The following NEFH variants were observed in gnomAD, a reference collection of about 807,000 sequenced individuals.
The protein encoded by NEFH is neurofilament heavy polypeptide.
NEFH carries 58 observed loss-of-function variants against 56.6 expected under a neutral mutation model. The observed-to-expected ratio is 1.03, with a 90% CI of 0.83 to 1.28. The LOEUF (loss-of-function observed/expected upper bound fraction) is 1.28. Among genes scored for constraint, NEFH ranks in the 50% most tolerant of loss-of-function variants. The pLI is 0.00. For missense variants in NEFH, 1,221 were observed against 1,307.6 expected (o/e 0.93, Z 1.02); for synonymous variants, 542 against 545.8 (o/e 0.99, Z 0.10).
At chr22:29,488,827 T>A in intron 3 of NEFH, 22 bp from the exon 4 acceptor site, 1 of 1,613,410 alleles carries the variant, frequency 6.2e-7, no homozygotes, top group South Asian at 1.1e-5. Context: ...TATACTAATG[T>A]GTTCCGTGAT....
intron 3 of NEFH, among the ~76,000 whole-genome samples, chr22:29,488,085 G>A (rs532124211): frequency 5.3e-5 from 8 of 152,270 alleles, no homozygotes; most frequent in East Asian, 1.9e-4. Flanking sequence ...AATTGTGGTC[G>A]GGTGCGGTGG....
chr22:29,480,653 G>A lies in NEFH; in HGVS notation c.391G>A (p.Ala131Thr), dbSNP rs766318171. 1 of 1,556,542 alleles carries A rather than the reference G, an allele frequency of 6.4e-7. No individual in the cohort carries two copies. Among genetic ancestry groups the A allele is most frequent in the South Asian group, 1.2e-5 (1 of 85,800 alleles). Residue 131 changes from alanine (A) to threonine (T), a missense_variant, in exon 1 of 4, where the codon GCG becomes ACG. Transcript: ENST00000310624. The part of the protein sequence containing the change: ...HNRSLEGEAA[A>T]LRQQQAGRSA... Reference sequence around the variant, plus strand: ...CCGCAGCCTGGAGGGCGAGGCTGCGGCGCTGCGGCAGCAGCAGGCGGGCCG... The same window carrying A: ...CCGCAGCCTGGAGGGCGAGGCTGCGACGCTGCGGCAGCAGCAGGCGGGCCG...
chr22:29,483,944 G>A (rs2063028913), intron 2 of NEFH, among the ~76,000 whole-genome samples: 1 of 151,956 alleles, frequency 6.6e-6, no homozygotes. Flanking sequence ...CTGCCTCCTG[G>A]GCTCAAGAGA....
In NEFH at chr22:29,481,079, G is replaced by T; in HGVS notation, c.817G>T (p.Glu273Ter). 6.5e-7 allele frequency: 1 copy of T among 1,532,152 alleles called. No homozygotes were observed. The highest frequency in any genetic ancestry group is 8.7e-7 in the Non-Finnish European group (1 of 1,145,878). 94.9% of individuals were successfully genotyped at this position (1,532,152 alleles called of 1,614,324 possible). Residue 273 changes from glutamate to a stop codon, truncating the protein, a stop_gained, in exon 1 of 4, where the codon GAG becomes TAG. Coordinates refer to ENST00000310624, the MANE Select transcript of NEFH (RefSeq NM_021076.4). LOFTEE classifies it high-confidence loss of function. ...GTGCGACGTGACGTCGGCGCTGCGC[G>T]AGATTCGCGCGCAGCTTGAAGGCCA... is the stretch of plus-strand genomic sequence containing the variant. ...LKCDVTSALR[E>*]IRAQLEGHAV... is the part of the protein sequence containing the mutation.
In NEFH at chr22:29,480,317, C is replaced by A. The variant is rs1168341032; in HGVS notation, c.55C>A (p.His19Asn). ...ALLGAPFAPL[H>N]GGGSLHYALA... The stretch of plus-strand genomic sequence containing the variant: ...GCTGGGCGCCCCGTTCGCGCCGCTG[C>A]ATGGCGGCGGCAGCCTCCACTACGC... Residue 19 changes from histidine to asparagine, a missense_variant, in exon 1 of 4, where the codon CAT becomes AAT. Around this residue, in one of 4 missense-constraint regions of NEFH, gnomAD observed 640 missense variants for 555.5 expected, o/e 1.15. Transcript: ENST00000310624. The A allele has an allele frequency of 6.6e-7, 1 of 1,508,070 alleles. No individual in the cohort carries two copies. Among genetic ancestry groups the A allele is most frequent in the African/African-American group, 1.4e-5 (1 of 69,488 alleles). The allele number at this position is 1,508,070 out of a possible 1,614,324, so 93.4% of individuals were successfully genotyped here.
Position 29,480,611 on chromosome 22 carries a change from C to A in NEFH, c.349C>A (p.Gln117Lys). ...CGCCGGGTACATCGACAAGGTGCGG[C>A]AGCTGGAGGCGCACAACCGCAGCCT... ...RFAGYIDKVR[Q>K]LEAHNRSLEG... The change falls in exon 1 of 4, where the codon CAG becomes AAG. Residue 117 changes from glutamine (Q) to lysine (K), a missense_variant. By Grantham distance (53) the Gln-to-Lys change is moderately conservative (BLOSUM62 1). Transcript: ENST00000310624. 1 of 1,563,800 alleles carries A rather than the reference C, an allele frequency of 6.4e-7. No homozygotes were observed. Among genetic ancestry groups the A allele is most frequent in the Non-Finnish European group, 8.6e-7 (1 of 1,164,284 alleles).
At chr22:29,483,276 C>T (rs1257108757) in intron 1 of NEFH, 99 bp from the exon 2 acceptor site, 8 of 931,208 alleles carry the variant, frequency 8.6e-6, no homozygotes, top group Admixed American at 7.7e-5. Flanking sequence ...GAATCCGTCT[C>T]AAAAAAAAAA....
At chr22:29,488,751 T>C in intron 3 of NEFH, 98 bp from the exon 4 acceptor site, 1 of 1,130,496 alleles carries the variant, frequency 8.8e-7, no homozygotes, top group Non-Finnish European at 1.3e-6. Context: ...AAAACCCATA[T>C]CATTCGATGT....
chr22:29,490,161 A>G lies in NEFH; in HGVS notation c.2521A>G (p.Lys841Glu). ...GGTGAAAGTCAAAGAGCCCCCAAAG[A>G]AGGCAGAGGAAGAGAAAGCCCCTGC... is the stretch of plus-strand genomic sequence containing the variant. ...QEVKVKEPPK[K>E]AEEEKAPATP... The change falls in exon 4 of 4, where the codon AAG becomes GAG. Residue 841 changes from lysine to glutamate, a missense_variant. This residue lies in a region of NEFH where 301 missense variants were observed against 346.6 expected (regional missense o/e 0.87). Transcript: ENST00000310624. 4.3e-6 allele frequency: 7 copies of G among 1,613,456 alleles called. No individual in the cohort carries two copies. Among genetic ancestry groups the G allele is most frequent in the Non-Finnish European group, 5.9e-6 (7 of 1,179,746 alleles).
Position 29,483,276 on chromosome 22 carries a change from CAAAAAAAA to C in NEFH, c.884-91_884-84del. The C allele has an allele frequency of 1.6e-5, 15 of 930,164 alleles. 1 individual carries two copies. The South Asian group carries it at 2.2e-4, about 14-fold the overall frequency. 57.6% of individuals were successfully genotyped at this position (930,164 alleles called of 1,614,324 possible). ...CCTGGGCGAGAGCGAGAATCCGTCT[CAAAAAAAA>C]AAAAAAAGAAAAAGAACAAAGAAAA... On this transcript the variant is annotated intron_variant, in intron 1 of 3. Transcript: ENST00000310624.
intron 2 of NEFH, 22 bp downstream of exon 2, chr22:29,483,596 A>G: frequency 6.2e-7 from 1 of 1,610,370 alleles, no homozygotes; most frequent in Non-Finnish European, 8.5e-7. Context: ...CAAGGCAGAC[A>G]GCCAGACTGC....
chr22:29,488,817 T>C, intron 3 of NEFH, 32 bp from the exon 4 acceptor site: 2 of 1,611,308 alleles, frequency 1.2e-6, no homozygotes, highest in Non-Finnish European at 1.7e-6. Flanking sequence ...GCCCTGAGTT[T>C]ATACTAATGT....
At position 29,489,045 on chromosome 22, in the gene NEFH, G is replaced by A. The variant is rs760541075; in HGVS notation, c.1405G>A (p.Glu469Lys). The change falls in exon 4 of 4, where the codon GAA becomes AAA. Residue 469 changes from glutamate to lysine, a missense_variant. Glu to Lys is a moderately conservative substitution (Grantham distance 56, BLOSUM62 1). This residue lies in a region of NEFH where 243 missense variants were observed against 299.1 expected (regional missense o/e 0.81). Transcript: ENST00000310624. ...GACAGAGGAGACCCAAGTGACTGAAGAAGTGACTGAAGAAGAGGAGAAAGA... is the reference window on the plus strand; with the variant it reads ...GACAGAGGAGACCCAAGTGACTGAAAAAGTGACTGAAGAAGAGGAGAAAGA... ...EQTEETQVTE[E>K]VTEEEEKEAK... 26 of 1,613,754 alleles carry A rather than the reference G, an allele frequency of 1.6e-5. No individual in the cohort carries two copies. In the East Asian group the frequency reaches 5.3e-4, roughly 33 times the overall value.
intron 1 of NEFH, 57 bp from the exon 2 acceptor site, chr22:29,483,318 G>A (rs941078606): frequency 1.4e-6 from 2 of 1,479,890 alleles, no homozygotes; most frequent in Admixed American, 2.0e-5. Flanking sequence ...AAAAATCTGG[G>A]CATTAGAACC....
Position 29,486,511 on chromosome 22 carries a change from A to T in NEFH, c.1208+664A>T, listed in dbSNP as rs1240145238. Among the ~76,000 whole-genome samples, 8 of 146,864 alleles carry T rather than the reference A, an allele frequency of 5.4e-5. No individual in the cohort carries two copies. In the East Asian group the frequency reaches 1.0e-3, roughly 18 times the overall value. On this transcript the variant is annotated intron_variant, in intron 3 of 3. Transcript: ENST00000310624. ...GGCAGCCACTCTTTTACTCTGAGAG[A>T]CATGAGTCTTTTTTTTTTTTTTTTT...
At chr22:29,488,431 T>C (rs1467503873) in intron 3 of NEFH, among the ~76,000 whole-genome samples, 1 of 152,160 alleles carries the variant, frequency 6.6e-6, no homozygotes, top group Non-Finnish European at 1.5e-5. Context: ...CTCCCAGGGT[T>C]CTCTTGAATA....
chr22:29,485,553 T>C (rs1602967340), intron 2 of NEFH, among the ~76,000 whole-genome samples, 170 bp from the exon 3 acceptor site: 1 of 152,376 alleles, frequency 6.6e-6, no homozygotes, highest in Non-Finnish European at 1.5e-5. Context: ...TTGCTCCAGA[T>C]TGTTCCACGT....
Position 29,480,753 on chromosome 22 carries a change from G to C in NEFH, c.491G>C (p.Arg164Pro). Residue 164 changes from arginine to proline, a missense_variant, in exon 1 of 4, where the codon CGC becomes CCC. Transcript: ENST00000310624. ...GCGGTGCTGCGCCTGGGCGCGGCGC[G>C]CGGTCAGCTACGCCTGGAGCAGGAG... ...RGAVLRLGAA[R>P]GQLRLEQEHL... The C allele has an allele frequency of 6.9e-7, 1 of 1,449,028 alleles. No individual in the cohort carries two copies. Among genetic ancestry groups the C allele is most frequent in the Non-Finnish European group, 9.0e-7 (1 of 1,112,326 alleles). 89.8% of individuals were successfully genotyped at this position (1,449,028 alleles called of 1,614,324 possible). A position where few individuals can be genotyped will look rare whatever the true frequency, so the allele number is the denominator to read the frequency against.
In NEFH at chr22:29,480,728, G is replaced by T. The variant is rs1420530672; in HGVS notation, c.466G>T (p.Ala156Ser). ...YEREVREMRGAVLRLGAARGQ... is the reference protein window; with the variant it reads ...YEREVREMRGSVLRLGAARGQ... Reference sequence around the variant, plus strand: ...GCGCGAGGTCCGCGAGATGCGCGGCGCGGTGCTGCGCCTGGGCGCGGCGCG... The same window carrying T: ...GCGCGAGGTCCGCGAGATGCGCGGCTCGGTGCTGCGCCTGGGCGCGGCGCG... Residue 156 changes from alanine to serine, a missense_variant, in exon 1 of 4, where the codon GCG becomes TCG. Physicochemically the swap from Ala to Ser is moderately conservative, Grantham distance 99. Transcript: ENST00000310624. 2.0e-6 allele frequency: 3 copies of T among 1,473,264 alleles called. No homozygotes were observed. Among genetic ancestry groups the T allele is most frequent in the Non-Finnish European group, 1.8e-6 (2 of 1,123,078 alleles). The allele number at this position is 1,473,264 out of a possible 1,614,324, so 91.3% of individuals were successfully genotyped here.
Sources: allele counts gnomAD v4.1 joint callset (sites outside exome capture counted in the v4.1 genomes callset), GRCh38; gene constraint gnomAD v4.1.1; regional missense constraint gnomAD v4.1.1; transcripts MANE v1.5; gene names NCBI Gene and HGNC (gene_info 2026-07-23, HGNC 2026-07-21).